Variants in KLHL29 observed in about 807,000 individuals in gnomAD.
The protein encoded by KLHL29 is kelch-like protein 29.
KLHL29 carries 21 observed loss-of-function variants against 80.4 expected under a neutral mutation model. The ratio of observed to expected loss-of-function variants is 0.26; its 90% confidence interval spans 0.19 to 0.38. The LOEUF (loss-of-function observed/expected upper bound fraction) is 0.38. KLHL29 is among the 10% of genes least tolerant of loss of function. The pLI, the probability that KLHL29 is intolerant of heterozygous loss-of-function variation, is 1.00. For missense variants in KLHL29, 867 were observed against 1,223.9 expected, an observed-to-expected ratio of 0.71 and a Z score of 4.35; for synonymous variants, 511 against 526.8, an observed-to-expected ratio of 0.97 and a Z score of 0.41.
At chr2:23,650,492 G>A (rs1001891638) in intron 5 of KLHL29, among the ~76,000 whole-genome samples, 3 of 152,164 alleles carry the variant, frequency 2.0e-5, no homozygotes, top group Admixed American at 1.3e-4. Flanking sequence ...GAGCCTGCTC[G>A]GGCTACTTAG....
chr2:23,701,921 C>T (rs932449223), intron 11 of KLHL29, among the ~76,000 whole-genome samples: 15 of 151,340 alleles, frequency 9.9e-5, no homozygotes, highest in Admixed American at 2.6e-4. Flanking sequence ...CTGCCTCAGC[C>T]GGGTAGCTGG....
intron 2 of KLHL29, among the ~76,000 whole-genome samples, chr2:23,508,434 C>A (rs1346010776): frequency 6.6e-6 from 1 of 152,234 alleles, no homozygotes; most frequent in African/African-American, 2.4e-5. Flanking sequence ...TACAGAAGCT[C>A]AGGGCCATGA....
At chr2:23,542,987 C>G (rs1666878617) in intron 2 of KLHL29, among the ~76,000 whole-genome samples, 1 of 152,212 alleles carries the variant, frequency 6.6e-6, no homozygotes, top group Non-Finnish European at 1.5e-5. Context: ...TTGGAACAAA[C>G]CACCCCAAAC....
chr2:23,463,614 GAC>G (rs1664273663), intron 1 of KLHL29, among the ~76,000 whole-genome samples: 1 of 152,144 alleles, frequency 6.6e-6, no homozygotes, highest in Non-Finnish European at 1.5e-5. Flanking sequence ...GGAGCCCAAA[GAC>G]AGAACACCGG....
Position 23,385,188 on chromosome 2 carries a change from C to T in KLHL29, c.-746C>T, listed in dbSNP as rs903966667. On this transcript the variant is annotated 5_prime_UTR_variant, in exon 1 of 14. Transcript: ENST00000486442. ...CCCTCGCAGCTAAAGCAGACGGTAC[C>T]CGGAGCGGAGCGAGCCAGAAGGGAG... 6.7e-6 allele frequency: 1 copy of T among 148,612 alleles called. No homozygotes were observed. The highest frequency in any genetic ancestry group is 1.5e-5 in the Non-Finnish European group (1 of 66,424). 9.2% of individuals were successfully genotyped at this position (148,612 alleles called of 1,614,324 possible). A position where few individuals can be genotyped will look rare whatever the true frequency, so the allele number is the denominator to read the frequency against.
intron 1 of KLHL29, among the ~76,000 whole-genome samples, chr2:23,442,955 A>G (rs1226685546): frequency 2.6e-5 from 4 of 152,280 alleles, no homozygotes; most frequent in East Asian, 3.9e-4. Flanking sequence ...TGGATGTTCC[A>G]TTATCTATGC....
chr2:23,432,994 C>A lies in KLHL29; in HGVS notation c.-153-42566C>A, dbSNP rs554796405. ...AGAGAAAGGAAGGAATCAAAGGGGA[C>A]TTTGGGGTTCATCCAGGAGGGTCCT... On this transcript the variant is annotated intron_variant, in intron 1 of 13. Transcript: ENST00000486442. Among the ~76,000 whole-genome samples, 33 of 152,286 alleles carry A rather than the reference C, an allele frequency of 2.2e-4. 1 individual carries two copies. In the South Asian group the frequency reaches 6.6e-3, roughly 31 times the overall value.
intron 2 of KLHL29, chr2:23,523,981 G>A (rs1309114807): frequency 1.5e-5 from 7 of 471,434 alleles, no homozygotes; most frequent in Admixed American, 4.7e-5. Context: ...TGCGTCTTTC[G>A]GGAGCTTGCC....
Position 23,707,920 on chromosome 2 carries a change from G to A in KLHL29, c.*1256G>A, listed in dbSNP as rs1251285773. 1 of 152,238 alleles carries A rather than the reference G, an allele frequency of 6.6e-6. No homozygotes were observed. The highest frequency in any genetic ancestry group is 1.5e-5 in the Non-Finnish European group (1 of 68,092). 9.4% of individuals were successfully genotyped at this position (152,238 alleles called of 1,614,324 possible). A position where few individuals can be genotyped will look rare whatever the true frequency, so the allele number is the denominator to read the frequency against. On this transcript the variant is annotated 3_prime_UTR_variant, in exon 14 of 14. Coordinates refer to ENST00000486442, the MANE Select transcript of KLHL29 (RefSeq NM_052920.2). ...GGGAGGTCACACCATGGCTCAAAAG[G>A]GAAAGGCCTTCCCACTTGTCCTTAG...
At chr2:23,677,094 A>C (rs1268627504) in intron 5 of KLHL29, among the ~76,000 whole-genome samples, 2 of 152,238 alleles carry the variant, frequency 1.3e-5, no homozygotes, top group Admixed American at 1.3e-4. Context: ...TGATGATTTC[A>C]AAAAATGTTA....
intron 1 of KLHL29, among the ~76,000 whole-genome samples, chr2:23,454,979 C>T (rs573323300): frequency 1.5e-5 from 2 of 129,612 alleles, no homozygotes; most frequent in Admixed American, 8.6e-5. Context: ...TTTGACAACT[C>T]GTAGAAACAG....
At chr2:23,545,965 GC>G (rs1334662091) in intron 2 of KLHL29, among the ~76,000 whole-genome samples, 2 of 152,218 alleles carry the variant, frequency 1.3e-5, no homozygotes, top group Non-Finnish European at 2.9e-5. Flanking sequence ...TGCTCTGTGT[GC>G]CGCTGCAGGG....
chr2:23,440,875 T>C (rs1052161425), intron 1 of KLHL29, among the ~76,000 whole-genome samples: 13 of 152,228 alleles, frequency 8.5e-5, no homozygotes, highest in Admixed American at 6.5e-4. Flanking sequence ...TTTTACACTG[T>C]TGGTGGGACT....
chr2:23,702,405 T>C (rs1013665142), intron 11 of KLHL29, among the ~76,000 whole-genome samples: 1 of 152,194 alleles, frequency 6.6e-6, no homozygotes, highest in Non-Finnish European at 1.5e-5. Context: ...TTGAACACTG[T>C]ATATTACATC....
intron 3 of KLHL29, among the ~76,000 whole-genome samples, chr2:23,591,097 G>A (rs1217143144): frequency 2.0e-5 from 3 of 152,164 alleles, no homozygotes; most frequent in African/African-American, 4.8e-5. Flanking sequence ...GGAGCGCTGC[G>A]ACTTTAAACA....
intron 2 of KLHL29, among the ~76,000 whole-genome samples, chr2:23,498,851 C>T (rs1216384073): frequency 6.6e-6 from 1 of 152,218 alleles, no homozygotes; most frequent in African/African-American, 2.4e-5. Context: ...CTGGGTGAGG[C>T]CGCCCCTATG....
intron 2 of KLHL29, among the ~76,000 whole-genome samples, chr2:23,476,603 G>A (rs1337575321): frequency 1.3e-5 from 2 of 152,102 alleles, no homozygotes; most frequent in Non-Finnish European, 2.9e-5. Context: ...TCTACTCTGT[G>A]GATATAATAG....
chr2:23,515,794 G>A (rs957133691), intron 2 of KLHL29, among the ~76,000 whole-genome samples: 1 of 152,144 alleles, frequency 6.6e-6, no homozygotes, highest in Non-Finnish European at 1.5e-5. Flanking sequence ...GCTCCCCAAA[G>A]AAACCACAAG....
rs571992357 is a variant in KLHL29 at position 23,427,180 on chromosome 2, A to G, written c.-154+41400A>G. ...AAGGTGCTGGCTAATTGCACAGCCG[A>G]AAACTGTGCAAGAGCCAGTTTGAAA... On this transcript the variant is annotated intron_variant, in intron 1 of 13. Coordinates refer to ENST00000486442, the MANE Select transcript of KLHL29 (RefSeq NM_052920.2). 5.1e-4 allele frequency among the ~76,000 whole-genome samples: 77 copies of G among 152,298 alleles called. 1 individual carries two copies. The highest frequency in any genetic ancestry group is 1.9e-4 in the Non-Finnish European group (13 of 68,022).
Sources: allele counts gnomAD v4.1 joint callset (sites outside exome capture counted in the v4.1 genomes callset), GRCh38; gene constraint gnomAD v4.1.1; transcripts MANE v1.5; gene names NCBI Gene and HGNC (gene_info 2026-07-23, HGNC 2026-07-21).